Variants in STUM observed in about 807,000 individuals in gnomAD.
STUM encodes the protein protein stum homolog.
A neutral mutation model predicts 15.3 loss-of-function variants in STUM; 8 were observed. The ratio of observed to expected loss-of-function variants is 0.52; its 90% CI spans 0.31 to 0.94. STUM has a LOEUF of 0.94. Ranked by LOEUF, STUM falls within the 40% of genes least tolerant of loss-of-function variation. The probability of loss-of-function intolerance (pLI) is 0.05; values close to 1 mark genes in which losing one functional copy is unlikely to be tolerated. For missense variants in STUM, 142 were observed against 204.9 expected (o/e 0.69, Z 1.87); for synonymous variants, 78 against 88.7 (o/e 0.88, Z 0.68).
chr1:226,561,652 T>C (rs996430243), intron 1 of STUM, among the ~76,000 whole-genome samples: 7 of 152,186 alleles, frequency 4.6e-5, no homozygotes, highest in Non-Finnish European at 7.3e-5. Flanking sequence ...TAACCACTGA[T>C]GAGTGTCAGA....
chr1:226,556,244 T>G (rs976689016), intron 1 of STUM, among the ~76,000 whole-genome samples: 2 of 151,924 alleles, frequency 1.3e-5, no homozygotes, highest in African/African-American at 2.4e-5. Flanking sequence ...AGAGGAGGGC[T>G]TCCTTCTGAG....
intron 1 of STUM, among the ~76,000 whole-genome samples, chr1:226,592,544 A>G (rs1668107648): frequency 6.6e-6 from 1 of 152,216 alleles, no homozygotes; most frequent in Non-Finnish European, 1.5e-5. Flanking sequence ...ATAAGAGGTA[A>G]TGTAGGTAGA....
chr1:226,599,107 A>ATCCCCATAATT (rs1230007341), intron 2 of STUM, among the ~76,000 whole-genome samples: 12 of 152,160 alleles, frequency 7.9e-5, no homozygotes, highest in Admixed American at 2.0e-4. Flanking sequence ...GGAAACACCC[A>ATCCCCATAATT]TCCCCATAAT....
At position 226,606,850 on chromosome 1, in the gene STUM, C is replaced by G. The variant is rs963211054; in HGVS notation, c.*4810C>G. ...GGTAGTGGCCTCGGGCAGTCCTCAC[C>G]AGGGGGACACCTCCCTGCTTTGCAT... is the stretch of plus-strand genomic sequence containing the variant. On this transcript the variant is annotated 3_prime_UTR_variant, in exon 4 of 4. Transcript: ENST00000366788. The G allele has an allele frequency of 1.3e-5, 2 of 152,268 alleles. No individual in the cohort carries two copies. Among genetic ancestry groups the G allele is most frequent in the African/African-American group, 4.8e-5 (2 of 41,462 alleles). 9.4% of individuals were successfully genotyped at this position (152,268 alleles called of 1,614,324 possible).
intron 1 of STUM, among the ~76,000 whole-genome samples, chr1:226,566,029 C>G (rs1314269889): frequency 1.3e-5 from 2 of 152,184 alleles, no homozygotes; most frequent in African/African-American, 4.8e-5. Flanking sequence ...CTCCCTAGGA[C>G]CTACCGTTTT....
chr1:226,557,165 A>G (rs934035418), intron 1 of STUM, among the ~76,000 whole-genome samples: 1 of 152,200 alleles, frequency 6.6e-6, no homozygotes, highest in Non-Finnish European at 1.5e-5. Flanking sequence ...GGCAACTACC[A>G]TTCGACTCTG....
chr1:226,588,264 C>T lies in STUM; in HGVS notation c.203-8538C>T, dbSNP rs144168247. 7.1e-3 allele frequency among the ~76,000 whole-genome samples: 1,088 copies of T among 152,278 alleles called. 15 individuals are homozygous for T. Among genetic ancestry groups the T allele is most frequent in the Middle Eastern group, 0.024 (7 of 294 alleles). ...GTTCTAGGGGAAGACACAGCCCCTC[C>T]GCAGACCTGCTCAGCTTCGAACCCT... On this transcript the variant is annotated intron_variant, in intron 1 of 3. Coordinates refer to ENST00000366788, the MANE Select transcript of STUM (RefSeq NM_001003665.4).
rs1323407712 is a variant in STUM at position 226,607,512 on chromosome 1, G to A, written c.*5472G>A. ...TTCCCCATTTCTGTCAGAGCCAAGG[G>A]CTTGGAGGCCCAGCCCCATCCGGGC... is the stretch of plus-strand genomic sequence containing the variant. On this transcript the variant is annotated 3_prime_UTR_variant, in exon 4 of 4. Coordinates refer to ENST00000366788, the MANE Select transcript of STUM (RefSeq NM_001003665.4). 1 of 152,344 alleles carries A rather than the reference G, an allele frequency of 6.6e-6. No individual in the cohort carries two copies. Among genetic ancestry groups the A allele is most frequent in the Admixed American group, 6.5e-5 (1 of 15,282 alleles). The allele number at this position is 152,344 out of a possible 1,614,324, so 9.4% of individuals were successfully genotyped here. A position where few individuals can be genotyped will look rare whatever the true frequency, so the allele number is the denominator to read the frequency against.
At chr1:226,590,524 T>C (rs1007611495) in intron 1 of STUM, among the ~76,000 whole-genome samples, 2 of 152,184 alleles carry the variant, frequency 1.3e-5, no homozygotes, top group Admixed American at 6.5e-5. Flanking sequence ...TGCTCACCAC[T>C]AAAATCTTGG....
In STUM at chr1:226,609,115, C is replaced by T. The variant is rs1668410844; in HGVS notation, c.*7075C>T. ...TAAAGCATGACATCTCTTTGGCATT[C>T]CAAGTTTGTGTTTTTTTAAATCCTT... On this transcript the variant is annotated 3_prime_UTR_variant, in exon 4 of 4. Transcript: ENST00000366788. The T allele has an allele frequency of 6.6e-6, 1 of 152,136 alleles. No homozygotes were observed. Among genetic ancestry groups the T allele is most frequent in the South Asian group, 2.1e-4 (1 of 4,820 alleles). The allele number at this position is 152,136 out of a possible 1,614,324, so 9.4% of individuals were successfully genotyped here.
At chr1:226,599,541 G>C (rs1212699196) in intron 2 of STUM, among the ~76,000 whole-genome samples, 1 of 152,182 alleles carries the variant, frequency 6.6e-6, no homozygotes, top group African/African-American at 2.4e-5. Context: ...AAAAACAGAG[G>C]AAACTTTTCA....
chr1:226,596,852 C>A lies in STUM; in HGVS notation c.253C>A (p.Pro85Thr). The change falls in exon 2 of 4, where the codon CCG (proline) becomes ACG (threonine). Residue 85 changes from proline (P) to threonine (T), a missense_variant. Pro to Thr is a conservative substitution (Grantham distance 38). Coordinates refer to ENST00000366788, the MANE Select transcript of STUM (RefSeq NM_001003665.4). ...GCTGTGCGGGGCCCGCACCGACCTCCCGGACAGGCATGTGTGCTGCGTCTT... is the reference window on the plus strand; with the variant it reads ...GCTGTGCGGGGCCCGCACCGACCTCACGGACAGGCATGTGTGCTGCGTCTT... Reference protein sequence around the residue: ...TVLCGARTDLPDRHVCCVFWL... With the variant: ...TVLCGARTDLTDRHVCCVFWL... 1.2e-6 allele frequency: 2 copies of A among 1,614,234 alleles called. No homozygotes were observed. The highest frequency in any genetic ancestry group is 1.7e-6 in the Non-Finnish European group (2 of 1,180,034).
chr1:226,591,491 A>G (rs1668084288), intron 1 of STUM, among the ~76,000 whole-genome samples: 1 of 152,154 alleles, frequency 6.6e-6, no homozygotes, highest in Non-Finnish European at 1.5e-5. Context: ...CCTAACATAT[A>G]AGCCAAAGCC....
chr1:226,598,972 G>A (rs1033752549), intron 2 of STUM, among the ~76,000 whole-genome samples: 3 of 152,198 alleles, frequency 2.0e-5, no homozygotes, highest in Non-Finnish European at 4.4e-5. Flanking sequence ...CATGGCGAAA[G>A]GCAAGGAGGA....
intron 1 of STUM, among the ~76,000 whole-genome samples, chr1:226,564,169 G>C (rs371368720): frequency 8.5e-5 from 13 of 152,358 alleles, no homozygotes; most frequent in African/African-American, 2.6e-4. Context: ...TGAGCCCACT[G>C]TGTGGTTTAT....
chr1:226,600,703 C>T lies in STUM; in HGVS notation c.391+29C>T, dbSNP rs1173448326. The stretch of plus-strand genomic sequence containing the variant: ...AGTCTGCGGATGGACGTGCGGGCCT[C>T]GTGCTGCTGCTTGGGGCCCTCCCCT... On this transcript the variant is annotated intron_variant, in intron 3 of 3. Transcript: ENST00000366788. The surrounding 1 kb of genome is among the most constrained non-coding windows in gnomAD (Gnocchi z 5.2). 7.5e-6 allele frequency: 12 copies of T among 1,609,256 alleles called. No homozygotes were observed. The highest frequency in any genetic ancestry group is 1.1e-5 in the South Asian group (1 of 91,080).
At position 226,565,138 on chromosome 1, in the gene STUM, C is replaced by T. The variant is rs1667601449; in HGVS notation, c.202+16032C>T. ...GGTATTGGTTTCCCATTCCCTCCAA[C>T]TTCCTGTCTATGACCACGAATTCCA... On this transcript the variant is annotated intron_variant, in intron 1 of 3. Transcript: ENST00000366788. The surrounding 1 kb of genome is among the most constrained non-coding windows in gnomAD (Gnocchi z 4.4). Among the ~76,000 whole-genome samples, 1 of 152,202 alleles carries T rather than the reference C, an allele frequency of 6.6e-6. No homozygotes were observed. The highest frequency in any genetic ancestry group is 2.1e-4 in the South Asian group (1 of 4,824).
chr1:226,587,478 A>G (rs747284023), intron 1 of STUM, among the ~76,000 whole-genome samples: 1 of 152,160 alleles, frequency 6.6e-6, no homozygotes, highest in Non-Finnish European at 1.5e-5. Context: ...GTGACTTACC[A>G]GGGTCTCACC....
chr1:226,560,699 C>T lies in STUM; in HGVS notation c.202+11593C>T, dbSNP rs142157202. Among the ~76,000 whole-genome samples the T allele has an allele frequency of 1.2e-4, 19 of 152,180 alleles. No individual in the cohort carries two copies. The South Asian group carries it at 3.5e-3, about 28-fold the overall frequency. ...TAGGCCAAGCTGCAGAAGGGAGCGC[C>T]GACAGCAGATCAAATGGAAGTGGGT... On this transcript the variant is annotated intron_variant, in intron 1 of 3. Transcript: ENST00000366788.
Sources: gnomAD v4.1 joint callset for allele counts (sites outside exome capture counted in the v4.1 genomes callset) on GRCh38, gnomAD v4.1.1 for gene constraint, Gnocchi (gnomAD v3.1) non-coding constraint, MANE v1.5 for transcripts, NCBI Gene and HGNC (gene_info 2026-07-23, HGNC 2026-07-21) for gene names.